SUGCT: variants seen among roughly 807,000 people sequenced by gnomAD.
SUGCT encodes succinyl-CoA:glutarate-CoA transferase, also known as succinyl-CoA:glutarate CoA-transferase.
In SUGCT, 41 loss-of-function variants were observed where a neutral mutation model predicts 55.0. The observed-to-expected ratio is 0.74, with a 90% CI of 0.58 to 0.97. The LOEUF (loss-of-function observed/expected upper bound fraction) is 0.97. Among genes scored for constraint, SUGCT ranks in the 50% least tolerant of loss-of-function variants. SUGCT has a pLI of 0.00. For missense variants in SUGCT, 568 were observed against 547.8 expected (o/e 1.04, Z -0.37); for synonymous variants, 187 against 200.4 (o/e 0.93, Z 0.56).
intron 8 of SUGCT, among the ~76,000 whole-genome samples, chr7:40,289,355 T>A (rs1161832986): frequency 6.6e-6 from 1 of 152,202 alleles, no homozygotes; most frequent in African/African-American, 2.4e-5. Flanking sequence ...CTATAAATAC[T>A]GTGTTTTTTT....
chr7:40,992,010 C>A, the SUGCT span, among the ~76,000 whole-genome samples: 1 of 151,954 alleles, frequency 6.6e-6, no homozygotes, highest in Admixed American at 6.6e-5. Context: ...AATTCAGGAT[C>A]AGTCCACAGA....
intron 13 of SUGCT, among the ~76,000 whole-genome samples, chr7:40,859,267 G>A (rs955912556): frequency 3.9e-5 from 6 of 152,170 alleles, no homozygotes; most frequent in African/African-American, 1.2e-4. Context: ...CAGCCTCTCC[G>A]TGGAAGAGTG....
intron 9 of SUGCT, among the ~76,000 whole-genome samples, chr7:40,440,572 C>A (rs1001277852): frequency 1.3e-5 from 2 of 152,060 alleles, no homozygotes; most frequent in Non-Finnish European, 2.9e-5. Context: ...ATCATGACAC[C>A]TTTTTCCCCC....
intron 12 of SUGCT, among the ~76,000 whole-genome samples, chr7:40,509,628 TAAGCC>T (rs1414824491): frequency 6.6e-6 from 1 of 152,192 alleles, no homozygotes; most frequent in Non-Finnish European, 1.5e-5. Context: ...CCCTTTCCTA[TAAGCC>T]AGAACTAAAA....
intron 9 of SUGCT, among the ~76,000 whole-genome samples, chr7:40,357,999 A>G (rs1386666710): frequency 6.6e-6 from 1 of 152,208 alleles, no homozygotes; most frequent in Non-Finnish European, 1.5e-5. Context: ...CTTGGCACAT[A>G]AGAATAGGAG....
intron 12 of SUGCT, among the ~76,000 whole-genome samples, chr7:40,727,696 G>C (rs1016791084): frequency 6.6e-6 from 1 of 152,100 alleles, no homozygotes; most frequent in African/African-American, 2.4e-5. Flanking sequence ...TGAATGCATA[G>C]GTCATAAAGT....
chr7:40,439,066 A>G (rs199807619), intron 9 of SUGCT, among the ~76,000 whole-genome samples: 8,312 of 20,230 alleles, frequency 0.41, 1,479 homozygotes, highest in South Asian at 0.48. Context: ...TATATGGTGT[A>G]TATATATATA....
chr7:40,281,827 A>T (rs1792969693), intron 8 of SUGCT, among the ~76,000 whole-genome samples: 2 of 135,920 alleles, frequency 1.5e-5, no homozygotes, highest in South Asian at 2.6e-4. Flanking sequence ...TTTGTTTTAG[A>T]TGTTTTTTTG....
intron 7 of SUGCT, among the ~76,000 whole-genome samples, chr7:40,255,780 G>T (rs915293808): frequency 6.7e-6 from 1 of 149,294 alleles, no homozygotes. Flanking sequence ...TTTTATTTTC[G>T]CCATCACAGT....
intron 13 of SUGCT, among the ~76,000 whole-genome samples, chr7:40,810,130 T>C (rs1791330722): frequency 1.3e-5 from 2 of 150,408 alleles, no homozygotes; most frequent in African/African-American, 4.9e-5. Context: ...TTTCTTTTCT[T>C]TTTTTTTTTC....
intron 9 of SUGCT, among the ~76,000 whole-genome samples, chr7:40,365,732 A>T (rs2151235884): frequency 6.6e-6 from 1 of 152,142 alleles, no homozygotes; most frequent in Non-Finnish European, 1.5e-5. Context: ...CTTCAAGGAG[A>T]ACTACAAACC....
chr7:40,810,347 C>A (rs1791344694), intron 13 of SUGCT, among the ~76,000 whole-genome samples: 1 of 152,140 alleles, frequency 6.6e-6, no homozygotes, highest in Non-Finnish European at 1.5e-5. Flanking sequence ...CTCCAAACTG[C>A]TTTCCACAGT....
chr7:40,498,591 A>G (rs1353390885), intron 12 of SUGCT, among the ~76,000 whole-genome samples: 1 of 152,184 alleles, frequency 6.6e-6, no homozygotes, highest in African/African-American at 2.4e-5. Flanking sequence ...GTGTAACATA[A>G]TGGTTAAGAC....
the SUGCT span, among the ~76,000 whole-genome samples, chr7:40,934,330 C>T: frequency 6.6e-6 from 1 of 152,178 alleles, no homozygotes; most frequent in Non-Finnish European, 1.5e-5. Context: ...CAGAGGGGCA[C>T]CTACCTGTAT....
chr7:40,278,554 T>G (rs533428864), intron 8 of SUGCT, among the ~76,000 whole-genome samples: 1 of 152,320 alleles, frequency 6.6e-6, no homozygotes, highest in South Asian at 2.1e-4. Flanking sequence ...CAATGCCTGG[T>G]AAGAACTTTT....
At chr7:40,659,687 A>C (rs543846981) in intron 12 of SUGCT, among the ~76,000 whole-genome samples, 1 of 152,310 alleles carries the variant, frequency 6.6e-6, no homozygotes, top group Admixed American at 6.5e-5. Flanking sequence ...TAACTAAATG[A>C]AAAACAAAAC....
intron 10 of SUGCT, among the ~76,000 whole-genome samples, chr7:40,451,806 C>T (rs948982044): frequency 2.6e-5 from 4 of 152,216 alleles, no homozygotes; most frequent in African/African-American, 4.8e-5. Context: ...TTCTTCCCTT[C>T]CCAGTTATGT....
At chr7:40,876,724 C>T in the SUGCT span, among the ~76,000 whole-genome samples, 3 of 152,138 alleles carry the variant, frequency 2.0e-5, no homozygotes, top group Admixed American at 6.5e-5. Flanking sequence ...GAGGTGGGGT[C>T]GGTGTGTGGG....
chr7:40,520,558 G>A (rs995983220), intron 12 of SUGCT, among the ~76,000 whole-genome samples: 1 of 152,106 alleles, frequency 6.6e-6, no homozygotes, highest in Non-Finnish European at 1.5e-5. Context: ...GGAGCCCACA[G>A]AATGCTACAA....
Sources: allele counts gnomAD v4.1 joint callset (sites outside exome capture counted in the v4.1 genomes callset), GRCh38; gene constraint gnomAD v4.1.1; transcripts MANE v1.5; gene names NCBI Gene and HGNC (gene_info 2026-07-23, HGNC 2026-07-21).